The following ZCCHC14 variants were observed in gnomAD, a reference collection of about 807,000 sequenced individuals.
ZCCHC14 encodes the protein zinc finger CCHC-type containing 14, also known as zinc finger CCHC domain-containing protein 14.
ZCCHC14 carries 16 observed loss-of-function variants against 85.0 expected under a neutral mutation model. The observed-to-expected ratio is 0.19, with a 90% CI of 0.13 to 0.29. The LOEUF (loss-of-function observed/expected upper bound fraction) is 0.29. Ranked by LOEUF, ZCCHC14 falls within the 10% of genes least tolerant of loss-of-function variation. ZCCHC14 has a pLI of 1.00. For synonymous variants in ZCCHC14, 775 were observed against 630.7 expected (o/e 1.23, Z -3.43); for missense variants, 1,303 against 1,443.5 (o/e 0.90, Z 1.58).
At chr16:87,466,950 ACAGTATT>A (rs1313333992) in intron 1 of ZCCHC14, among the ~76,000 whole-genome samples, 1 of 152,042 alleles carries the variant, frequency 6.6e-6, no homozygotes, top group Non-Finnish European at 1.5e-5. Context: ...ACGGACCTGA[ACAGTATT>A]CACATCAGCA....
At chr16:87,452,210 G>A (rs182157627) in intron 2 of ZCCHC14, among the ~76,000 whole-genome samples, 2 of 152,384 alleles carry the variant, frequency 1.3e-5, no homozygotes, top group East Asian at 1.9e-4. Context: ...AAAGCCACAT[G>A]TGGGAGAGGA....
At chr16:87,475,220 AC>A (rs2150771392) in intron 1 of ZCCHC14, among the ~76,000 whole-genome samples, 1 of 152,318 alleles carries the variant, frequency 6.6e-6, no homozygotes, top group African/African-American at 2.4e-5. Flanking sequence ...GACAAGCCAA[AC>A]GGGTCTCAAG....
At chr16:87,468,522 C>A (rs188986317) in intron 1 of ZCCHC14, among the ~76,000 whole-genome samples, 1 of 152,010 alleles carries the variant, frequency 6.6e-6, no homozygotes, top group Admixed American at 6.6e-5. Context: ...CTACAGGAGG[C>A]GCATGCCACC....
Position 87,412,626 on chromosome 16 carries a change from C to A in ZCCHC14, c.2095G>T (p.Val699Leu), listed in dbSNP as rs199556591. 2 of 1,614,210 alleles carry A rather than the reference C, an allele frequency of 1.2e-6. No individual in the cohort carries two copies. The highest frequency in any genetic ancestry group is 2.2e-5 in the South Asian group (2 of 91,084). Residue 699 changes from valine (V) to leucine (L), a missense_variant, in exon 12 of 13, where the codon GTG (valine) becomes TTG (leucine). This residue lies in a region of ZCCHC14 where 797 missense variants were observed against 730.8 expected (regional missense o/e 1.09). Transcript: ENST00000671377. ...DKSFGSAMMD[V>L]LPASAPHQPV... ...TGGTGGGGTGCGGACGCGGGCAGCA[C>A]GTCCATCATGGCGCTGCCAAAGCTC...
At chr16:87,463,052 G>C (rs1009137293) in intron 1 of ZCCHC14, among the ~76,000 whole-genome samples, 2 of 151,172 alleles carry the variant, frequency 1.3e-5, no homozygotes, top group Non-Finnish European at 2.9e-5. Flanking sequence ...TGGGCAACGA[G>C]AGTGAAACTC....
chr16:87,429,618 T>A (rs1909550261), intron 3 of ZCCHC14, among the ~76,000 whole-genome samples: 1 of 152,164 alleles, frequency 6.6e-6, no homozygotes, highest in Admixed American at 6.5e-5. Flanking sequence ...CTATCTCTTT[T>A]TTTTTCCCAG....
chr16:87,452,175 G>T (rs1271374037), intron 2 of ZCCHC14, among the ~76,000 whole-genome samples: 2 of 152,258 alleles, frequency 1.3e-5, no homozygotes, highest in African/African-American at 4.8e-5. Context: ...TGAGGGGGAA[G>T]AAACAATGAT....
At chr16:87,424,536 C>A (rs766770226) in intron 3 of ZCCHC14, among the ~76,000 whole-genome samples, 1 of 152,154 alleles carries the variant, frequency 6.6e-6, no homozygotes, top group Non-Finnish European at 1.5e-5. Context: ...CATGCAGCAG[C>A]GGGCGGTGTC....
At chr16:87,470,649 A>C (rs541411170) in intron 1 of ZCCHC14, 14 of 152,346 alleles carry the variant, frequency 9.2e-5, no homozygotes, top group African/African-American at 3.4e-4. Context: ...GAGCAAAAAG[A>C]AAAACAAACA....
chr16:87,453,866 C>T (rs1910827617), intron 2 of ZCCHC14, among the ~76,000 whole-genome samples: 1 of 152,040 alleles, frequency 6.6e-6, no homozygotes, highest in African/African-American at 2.4e-5. Context: ...AACTGGCAGA[C>T]CAGGATTTGA....
At chr16:87,477,142 C>CAAAAAAAAA (rs1567542354) in intron 1 of ZCCHC14, among the ~76,000 whole-genome samples, 2 of 78,606 alleles carry the variant, frequency 2.5e-5, no homozygotes, top group African/African-American at 1.3e-4. Flanking sequence ...AAAAAAAAAA[C>CAAAAAAAAA]AAAACAAAAC....
At chr16:87,456,533 C>CAAAAAAAAAAAA (rs60817141) in intron 2 of ZCCHC14, among the ~76,000 whole-genome samples, 6 of 63,366 alleles carry the variant, frequency 9.5e-5, no homozygotes, top group Non-Finnish European at 1.5e-4. Flanking sequence ...ACTCTGTCTC[C>CAAAAAAAAAAAA]AAAAAAAAAA....
intron 9 of ZCCHC14, 47 bp downstream of exon 9, chr16:87,415,229 C>G (rs764196440): frequency 6.3e-7 from 1 of 1,579,352 alleles, no homozygotes; most frequent in Non-Finnish European, 8.7e-7. Context: ...ATTCGGCACA[C>G]GAGAAATGGA....
intron 1 of ZCCHC14, among the ~76,000 whole-genome samples, chr16:87,462,031 G>A (rs1911284833): frequency 1.3e-5 from 2 of 151,960 alleles, no homozygotes; most frequent in South Asian, 4.2e-4. Context: ...ACTTTGGGAG[G>A]CTGAGGCAGG....
intron 2 of ZCCHC14, among the ~76,000 whole-genome samples, chr16:87,435,118 T>G (rs996826283): frequency 6.6e-6 from 1 of 152,124 alleles, no homozygotes; most frequent in Non-Finnish European, 1.5e-5. Flanking sequence ...TTATAATTTT[T>G]TAAACGATTC....
intron 10 of ZCCHC14, among the ~76,000 whole-genome samples, chr16:87,413,752 A>C (rs1000946746): frequency 6.8e-6 from 1 of 147,730 alleles, no homozygotes; most frequent in Admixed American, 6.7e-5. Flanking sequence ...ATGGAGAACC[A>C]TGTCACTGAT....
intron 1 of ZCCHC14, among the ~76,000 whole-genome samples, chr16:87,481,468 C>T (rs369803711): frequency 1.4e-5 from 2 of 144,354 alleles, no homozygotes; most frequent in Non-Finnish European, 3.0e-5. Context: ...TCTAAGCCTG[C>T]GTCCAGAGAA....
At chr16:87,470,876 TATTTTTCTGTTTTCCA>T (rs1286307444) in intron 1 of ZCCHC14, 1 of 152,240 alleles carries the variant, frequency 6.6e-6, no homozygotes, top group East Asian at 1.9e-4. Flanking sequence ...ATTTTTATTT[TATTTTTCTGTTTTCCA>T]ATTTTTCTGT....
chr16:87,427,309 G>C (rs1204192641), intron 3 of ZCCHC14, among the ~76,000 whole-genome samples: 3 of 152,250 alleles, frequency 2.0e-5, no homozygotes, highest in African/African-American at 7.2e-5. Context: ...GTGTACACGT[G>C]ATAAAAACAG....
Sources: allele counts gnomAD v4.1 joint callset (sites outside exome capture counted in the v4.1 genomes callset), GRCh38; gene constraint gnomAD v4.1.1; regional missense constraint gnomAD v4.1.1; transcripts MANE v1.5; gene names NCBI Gene and HGNC (gene_info 2026-07-23, HGNC 2026-07-21).